Variants in B3GALT1 observed in about 807,000 individuals in gnomAD.
B3GALT1 encodes the protein beta-1,3-galactosyltransferase 1, also known as UDP-Gal:betaGlcNAc beta 1,3-galactosyltransferase, polypeptide 1.
A neutral mutation model predicts 23.2 loss-of-function variants in B3GALT1; 10 were observed. That is an observed-to-expected ratio of 0.43 (90% CI 0.27 to 0.73). The LOEUF (loss-of-function observed/expected upper bound fraction) is 0.73, where lower values mean the gene tolerates loss of function less well. Among genes scored for constraint, B3GALT1 ranks in the 30% least tolerant of loss-of-function variants. The pLI is 0.21. For synonymous variants in B3GALT1, 156 were observed against 141.5 expected, an observed-to-expected ratio of 1.10 and a Z score of -0.73; for missense variants, 299 against 405.4, an observed-to-expected ratio of 0.74 and a Z score of 2.25.
chr2:167,333,335 A>G (rs920842218), intron 1 of B3GALT1, among the ~76,000 whole-genome samples: 2 of 152,248 alleles, frequency 1.3e-5, no homozygotes, highest in African/African-American at 4.8e-5. Flanking sequence ...TGGTGCCGAC[A>G]GGTGCCTTTG....
intron 2 of B3GALT1, among the ~76,000 whole-genome samples, chr2:167,594,315 A>G (rs1684737773): frequency 1.3e-5 from 2 of 152,218 alleles, no homozygotes; most frequent in Non-Finnish European, 2.9e-5. Context: ...CTTTCACTGA[A>G]TATATTGTAT....
chr2:167,542,104 C>T (rs1309426884), intron 2 of B3GALT1, among the ~76,000 whole-genome samples: 1 of 151,776 alleles, frequency 6.6e-6, no homozygotes, highest in Admixed American at 6.6e-5. Context: ...TTTTCTTCTG[C>T]TTTTATTGAA....
At chr2:167,771,819 G>A (rs553531393) in intron 3 of B3GALT1, among the ~76,000 whole-genome samples, 16 of 152,278 alleles carry the variant, frequency 1.1e-4, no homozygotes, top group African/African-American at 3.6e-4. Context: ...GGATGGGGAC[G>A]AGGCAGAGGG....
intron 1 of B3GALT1, among the ~76,000 whole-genome samples, chr2:167,403,736 C>T (rs1698231120): frequency 1.3e-5 from 2 of 151,916 alleles, no homozygotes; most frequent in South Asian, 4.1e-4. Flanking sequence ...GGAGACAACT[C>T]TATACAACTC....
intron 3 of B3GALT1, among the ~76,000 whole-genome samples, chr2:167,755,407 C>G (rs1360489126): frequency 6.6e-6 from 1 of 151,012 alleles, no homozygotes; most frequent in Non-Finnish European, 1.5e-5. Context: ...CCCAGGGCCT[C>G]CTATACTCTT....
chr2:167,827,696 C>T (rs548661795), intron 4 of B3GALT1, among the ~76,000 whole-genome samples: 3 of 152,288 alleles, frequency 2.0e-5, no homozygotes, highest in Middle Eastern at 3.4e-3. Flanking sequence ...CAAAGTCCTT[C>T]GCAAGCTGTG....
chr2:167,595,007 A>G (rs1349945765), intron 2 of B3GALT1, among the ~76,000 whole-genome samples: 1 of 152,194 alleles, frequency 6.6e-6, no homozygotes, highest in Admixed American at 6.5e-5. Flanking sequence ...CCATCCCTAT[A>G]TATTACTTTG....
At chr2:167,381,215 G>GC (rs1335583137) in intron 1 of B3GALT1, among the ~76,000 whole-genome samples, 1 of 152,036 alleles carries the variant, frequency 6.6e-6, no homozygotes, top group African/African-American at 2.4e-5. Context: ...CTACAGGTGT[G>GC]CACCACCATG....
chr2:167,703,988 T>C (rs1346131316), intron 3 of B3GALT1, among the ~76,000 whole-genome samples: 3 of 152,006 alleles, frequency 2.0e-5, no homozygotes, highest in Admixed American at 6.6e-5. Context: ...AAGACCTTCC[T>C]GGCTAACACG....
In B3GALT1 at chr2:167,803,120, A is replaced by ACACC. The variant is rs1369112213; in HGVS notation, c.-351-15551_-351-15550insACCC. Among the ~76,000 whole-genome samples, 523 of 136,622 alleles carry ACACC rather than the reference A, an allele frequency of 3.8e-3. 2 individuals are homozygous for ACACC. The highest frequency in any genetic ancestry group is 0.012 in the African/African-American group (455 of 38,032). The allele number at this position is 136,622 out of a possible 152,430, so 89.6% of individuals were successfully genotyped here. ...CACACACACACACACACACACACAC[A>ACACC]CCCCTTGGTTGGGCTGGGGAATGGT... On this transcript the variant is annotated intron_variant, in intron 3 of 4. Transcript: ENST00000392690.
intron 2 of B3GALT1, among the ~76,000 whole-genome samples, chr2:167,559,417 A>G (rs565344420): frequency 2.6e-5 from 4 of 152,364 alleles, no homozygotes; most frequent in African/African-American, 9.6e-5. Flanking sequence ...CTCCAAAGGA[A>G]CGCAATTCCT....
intron 2 of B3GALT1, among the ~76,000 whole-genome samples, chr2:167,576,924 A>G (rs533723133): frequency 1.3e-5 from 2 of 151,842 alleles, no homozygotes; most frequent in South Asian, 4.2e-4. Flanking sequence ...AGGAGAAAGT[A>G]ATGGAGAAAA....
At chr2:167,526,535 A>T (rs894353308) in intron 2 of B3GALT1, among the ~76,000 whole-genome samples, 1 of 152,226 alleles carries the variant, frequency 6.6e-6, no homozygotes, top group Non-Finnish European at 1.5e-5. Context: ...ATAAAATAAC[A>T]CTAATTAGGC....
chr2:167,617,538 G>A (rs1278888018), intron 2 of B3GALT1, among the ~76,000 whole-genome samples: 2 of 151,982 alleles, frequency 1.3e-5, no homozygotes, highest in East Asian at 3.9e-4. Context: ...TAGGCCACAA[G>A]CAGTGTCTGC....
chr2:167,858,024 G>A (rs1449186388), intron 4 of B3GALT1, among the ~76,000 whole-genome samples: 2 of 152,068 alleles, frequency 1.3e-5, no homozygotes, highest in African/African-American at 2.4e-5. Context: ...AATAATCATG[G>A]TATAGCCATT....
chr2:167,570,509 A>G (rs886477920), intron 2 of B3GALT1, among the ~76,000 whole-genome samples: 3 of 151,914 alleles, frequency 2.0e-5, no homozygotes, highest in Non-Finnish European at 4.4e-5. Flanking sequence ...TTTATGCATT[A>G]TTTGCTTCTA....
At chr2:167,594,790 G>A (rs1179529712) in intron 2 of B3GALT1, among the ~76,000 whole-genome samples, 4 of 151,988 alleles carry the variant, frequency 2.6e-5, no homozygotes, top group East Asian at 1.9e-4. Flanking sequence ...CCTGTAATCC[G>A]AGCTACTTGG....
chr2:167,872,367 A>G lies in B3GALT1; in HGVS notation c.*2347A>G, dbSNP rs1024044884. ...ATGAGACAAGACTTCCCATCCCTTA[A>G]CACATCTTCATCTTATGGTCAGCAG... is the stretch of plus-strand genomic sequence containing the variant. On this transcript the variant is annotated 3_prime_UTR_variant, in exon 5 of 5. Coordinates refer to ENST00000392690, the MANE Select transcript of B3GALT1 (RefSeq NM_020981.4). 4 of 152,146 alleles carry G rather than the reference A, an allele frequency of 2.6e-5. No homozygotes were observed. The highest frequency in any genetic ancestry group is 9.7e-5 in the African/African-American group (4 of 41,418). 9.4% of individuals were successfully genotyped at this position (152,146 alleles called of 1,614,324 possible).
intron 3 of B3GALT1, among the ~76,000 whole-genome samples, chr2:167,698,770 A>G (rs1686825681): frequency 6.6e-6 from 1 of 152,224 alleles, no homozygotes; most frequent in Admixed American, 6.5e-5. Context: ...CTAACAAACA[A>G]AACACTGCCG....
Sources: gnomAD v4.1 joint callset for allele counts (sites outside exome capture counted in the v4.1 genomes callset) on GRCh38, gnomAD v4.1.1 for gene constraint, MANE v1.5 for transcripts, NCBI Gene and HGNC (gene_info 2026-07-23, HGNC 2026-07-21) for gene names.